The following IFT81 variants were observed in gnomAD, a reference collection of about 807,000 sequenced individuals.
IFT81 encodes intraflagellar transport protein 81 homolog.
In IFT81, 72 loss-of-function variants were observed where a neutral mutation model predicts 102.6. The observed-to-expected ratio is 0.70, with a 90% CI of 0.58 to 0.85. IFT81 has a LOEUF of 0.85. Ranked by LOEUF, IFT81 falls within the 40% of genes least tolerant of loss-of-function variation. IFT81 has a pLI of 0.00. For missense variants in IFT81, 723 were observed against 787.3 expected, an observed-to-expected ratio of 0.92 and a Z score of 0.98; for synonymous variants, 237 against 242.7, an observed-to-expected ratio of 0.98 and a Z score of 0.22.
At chr12:110,175,407 A>T (rs1896990708) in intron 11 of IFT81, among the ~76,000 whole-genome samples, 1 of 152,214 alleles carries the variant, frequency 6.6e-6, no homozygotes, top group South Asian at 2.1e-4. Flanking sequence ...AGTGCTACTC[A>T]AAGTGTGGTC....
rs551021170 is a variant in IFT81, at chr12:110,214,036, A to G, written c.1849-4008A>G. Among the ~76,000 whole-genome samples, 3 of 152,296 alleles carry G rather than the reference A, an allele frequency of 2.0e-5. No individual in the cohort carries two copies. In the East Asian group the frequency reaches 5.8e-4, roughly 29 times the overall value. ...AATGACCATTATATCAAAGAAAATA[A>G]ATAAAAAATAAAAGGAAGCCTTCTT... On this transcript the variant is annotated intron_variant, in intron 18 of 18. Coordinates refer to ENST00000242591, the MANE Select transcript of IFT81 (RefSeq NM_014055.4).
At chr12:110,183,441 C>T (rs1897390823) in intron 12 of IFT81, among the ~76,000 whole-genome samples, 1 of 152,206 alleles carries the variant, frequency 6.6e-6, no homozygotes, top group African/African-American at 2.4e-5. Context: ...TTGGCAGCAG[C>T]TAGATGAGCA....
At chr12:110,159,740 C>T (rs190853194) in intron 10 of IFT81, among the ~76,000 whole-genome samples, 214 of 152,288 alleles carry the variant, frequency 1.4e-3, no homozygotes, top group African/African-American at 4.5e-3. Flanking sequence ...TCAGAAGCAG[C>T]GCATAGATCC....
intron 18 of IFT81, among the ~76,000 whole-genome samples, chr12:110,211,252 C>CA (rs1479368280): frequency 6.9e-6 from 1 of 144,546 alleles, no homozygotes; most frequent in African/African-American, 2.6e-5. Context: ...TGCAGTGGTG[C>CA]AATCTCAGCT....
chr12:110,216,877 G>A (rs947641689), intron 18 of IFT81: 2 of 286,146 alleles, frequency 7.0e-6, no homozygotes, highest in African/African-American at 2.3e-5. Context: ...TTAGGTTTTA[G>A]TATATAGAAT....
At chr12:110,159,010 C>T (rs1895998665) in intron 10 of IFT81, among the ~76,000 whole-genome samples, 1 of 152,250 alleles carries the variant, frequency 6.6e-6, no homozygotes, top group Non-Finnish European at 1.5e-5. Context: ...GTGTGAGCCA[C>T]TGCGCCTGGC....
At chr12:110,205,559 CAA>C (rs1363048809) in intron 16 of IFT81, 34 bp from the exon 17 acceptor site, 2 of 1,585,026 alleles carry the variant, frequency 1.3e-6, no homozygotes, top group South Asian at 1.2e-5. Flanking sequence ...TTTTCTATAT[CAA>C]AGTCTTCCCT....
chr12:110,210,058 C>T (rs1484754401), intron 18 of IFT81, among the ~76,000 whole-genome samples: 1 of 152,172 alleles, frequency 6.6e-6, no homozygotes, highest in Non-Finnish European at 1.5e-5. Context: ...ACCATCAGGA[C>T]TTAAATGACC....
At chr12:110,204,087 A>G (rs1898444122) in intron 15 of IFT81, 137 bp downstream of exon 15, 2 of 603,116 alleles carry the variant, frequency 3.3e-6, no homozygotes, top group Non-Finnish European at 3.0e-6. Flanking sequence ...CTATGATCAC[A>G]CCACTGCATT....
rs1017762090 is a variant in IFT81 at position 110,218,293 on chromosome 12, T to C, written c.*67T>C. On this transcript the variant is annotated 3_prime_UTR_variant, in exon 19 of 19. Transcript: ENST00000242591. ...CTATAAGCCTAATCTCATAATGTAT[T>C]TCTTTTTTGAAACTGATTTGTATAG... 2.0e-5 allele frequency: 25 copies of C among 1,221,436 alleles called. No individual in the cohort carries two copies. Among genetic ancestry groups the C allele is most frequent in the Admixed American group, 5.5e-5 (2 of 36,246 alleles). 75.7% of individuals were successfully genotyped at this position (1,221,436 alleles called of 1,614,324 possible).
At chr12:110,214,920 A>G (rs775463944) in intron 18 of IFT81, among the ~76,000 whole-genome samples, 2 of 152,228 alleles carry the variant, frequency 1.3e-5, no homozygotes, top group African/African-American at 2.4e-5. Flanking sequence ...GTTTATAAGG[A>G]TAAAATATTT....
At chr12:110,185,156 C>T (rs1897468624) in intron 12 of IFT81, among the ~76,000 whole-genome samples, 2 of 152,122 alleles carry the variant, frequency 1.3e-5, no homozygotes, top group Admixed American at 6.5e-5. Context: ...TTATGATATA[C>T]ACCCTTGACT....
intron 12 of IFT81, among the ~76,000 whole-genome samples, chr12:110,186,484 C>CCTTT (rs202147355): frequency 1.3e-5 from 2 of 151,050 alleles, no homozygotes; most frequent in African/African-American, 4.8e-5. Flanking sequence ...GTCTTTCTTT[C>CCTTT]CTTTCTTTCT....
At chr12:110,206,279 A>G (rs933685130) in intron 17 of IFT81, among the ~76,000 whole-genome samples, 3 of 152,064 alleles carry the variant, frequency 2.0e-5, no homozygotes, top group Non-Finnish European at 4.4e-5. Flanking sequence ...TTTTTTTGCA[A>G]TCCCAGCTTG....
At chr12:110,213,426 A>T (rs969080847) in intron 18 of IFT81, among the ~76,000 whole-genome samples, 1 of 152,220 alleles carries the variant, frequency 6.6e-6, no homozygotes, top group African/African-American at 2.4e-5. Context: ...TAGAAGCTTG[A>T]TTAAATATGT....
intron 8 of IFT81, 70 bp downstream of exon 8, chr12:110,136,930 A>G (rs1254032039): frequency 7.1e-6 from 7 of 979,216 alleles, no homozygotes; most frequent in Non-Finnish European, 1.1e-5. Flanking sequence ...TTCCTAAAAA[A>G]TCAATTTGTG....
At chr12:110,142,924 G>A (rs1000511730) in intron 8 of IFT81, among the ~76,000 whole-genome samples, 8 of 151,510 alleles carry the variant, frequency 5.3e-5, no homozygotes, top group Non-Finnish European at 1.0e-4. Flanking sequence ...AAATACATAT[G>A]TATATATATA....
intron 1 of IFT81, among the ~76,000 whole-genome samples, chr12:110,126,300 C>T (rs1478991097): frequency 5.0e-5 from 7 of 140,812 alleles, no homozygotes; most frequent in African/African-American, 1.9e-4. Flanking sequence ...AAAAAAAGCA[C>T]AAGATCAAAA....
At chr12:110,171,518 A>G (rs1186587892) in intron 11 of IFT81, among the ~76,000 whole-genome samples, 1 of 152,214 alleles carries the variant, frequency 6.6e-6, no homozygotes, top group African/African-American at 2.4e-5. Context: ...CCACTACCAT[A>G]TGTAGATAAT....
Sources: gnomAD v4.1 joint callset for allele counts (sites outside exome capture counted in the v4.1 genomes callset) on GRCh38, gnomAD v4.1.1 for gene constraint, MANE v1.5 for transcripts, NCBI Gene and HGNC (gene_info 2026-07-23, HGNC 2026-07-21) for gene names.